Variants in TTN observed in about 807,000 individuals in gnomAD.
TTN encodes the protein titin, also known as connectin.
TTN carries 1,525 observed loss-of-function variants against 3,223.0 expected under a neutral mutation model. That is an observed-to-expected ratio of 0.47 (90% CI 0.45 to 0.49). TTN has a LOEUF of 0.49. Ranked by LOEUF, TTN falls within the 20% of genes least tolerant of loss-of-function variation. The pLI, the probability that TTN is intolerant of heterozygous loss-of-function variation, is 0.00. For synonymous variants in TTN, 14,094 were observed against 15,161.0 expected (o/e 0.93, Z 5.17); for missense variants, 40,786 against 43,424.0 (o/e 0.94, Z 5.40).
At chr2:178,538,141 T>G (rs1237637109) in intron 354 of TTN, 1 of 556,520 alleles carries the variant, frequency 1.8e-6, no homozygotes, top group Non-Finnish European at 3.1e-6. Context: ...TTTTTTCTCT[T>G]TATGATTGGA....
At chr2:178,707,223 T>C (rs2076015249) in intron 100 of TTN, among the ~76,000 whole-genome samples, 1 of 152,256 alleles carries the variant, frequency 6.6e-6, no homozygotes, top group South Asian at 2.1e-4. Context: ...CACAACAGCC[T>C]ACTTTCTATC....
rs754723277 is a variant in TTN, at chr2:178,579,310, T to C, written c.67720A>G (p.Ile22574Val). The C allele has an allele frequency of 1.2e-6, 2 of 1,610,956 alleles. No homozygotes were observed. The highest frequency in any genetic ancestry group is 1.1e-5 in the South Asian group (1 of 90,936). Reference protein sequence around the residue: ...ENSNFRLKIPIKGKPAPSVSW... With the variant: ...ENSNFRLKIPVKGKPAPSVSW... ...ACTGATGGAGCTGGCTTGCCTTTTATGGGGATCTTAAGCCGGAAGTTGCTG... is the reference window on the plus strand; with the variant it reads ...ACTGATGGAGCTGGCTTGCCTTTTACGGGGATCTTAAGCCGGAAGTTGCTG... The change falls in exon 320 of 363, where the codon ATA (isoleucine) becomes GTA (valine). Residue 22574 changes from isoleucine to valine, a missense_variant. Ile to Val is a conservative substitution (Grantham distance 29). Coordinates refer to ENST00000589042, the MANE Select transcript of TTN (RefSeq NM_001267550.2).
In TTN at chr2:178,665,780, G is replaced by C; in HGVS notation, c.35887C>G (p.Pro11963Ala). The change falls in exon 164 of 363, where the codon CCT (proline) becomes GCT (alanine). Residue 11963 changes from proline to alanine, a missense_variant. Coordinates refer to ENST00000589042, the MANE Select transcript of TTN (RefSeq NM_001267550.2). ...TCCTTTACAGGGACAATTTCTCGAG[G>C]TGATTCAGGCACTTTAAAGATATGA... ...KTPSPTVPES[P>A]REIVPVKETP... 1 of 1,294,438 alleles carries C rather than the reference G, an allele frequency of 7.7e-7. No individual in the cohort carries two copies. The highest frequency in any genetic ancestry group is 2.8e-5 in the East Asian group (1 of 35,416). The allele number at this position is 1,294,438 out of a possible 1,614,324, so 80.2% of individuals were successfully genotyped here. A position where few individuals can be genotyped will look rare whatever the true frequency, so the allele number is the denominator to read the frequency against.
In TTN at chr2:178,567,620, G is replaced by C; in HGVS notation, c.78512C>G (p.Ala26171Gly). The C allele has an allele frequency of 6.2e-7, 1 of 1,611,872 alleles. No individual in the cohort carries two copies. The highest frequency in any genetic ancestry group is 1.7e-4 in the Middle Eastern group (1 of 6,052). Reference protein sequence around the residue: ...FRVIAKNAAGAISKPSDSTGP... With the variant: ...FRVIAKNAAGGISKPSDSTGP... The stretch of plus-strand genomic sequence containing the variant: ...AGTACTGTCAGAGGGTTTACTTATT[G>C]CACCAGCTGCATTCTTTGCAATGAC... Residue 26171 changes from alanine to glycine, a missense_variant, in exon 326 of 363, where the codon GCA becomes GGA. Ala to Gly is a moderately conservative substitution (Grantham distance 60). Coordinates refer to ENST00000589042, the MANE Select transcript of TTN (RefSeq NM_001267550.2).
chr2:178,721,257 A>C, intron 78 of TTN, 55 bp from the exon 79 acceptor site: 1 of 1,347,678 alleles, frequency 7.4e-7, no homozygotes, highest in Admixed American at 3.2e-5. Flanking sequence ...ATGTTAAAAG[A>C]GCTTGTTTTT....
At chr2:178,669,080 G>T (rs1050294169) in intron 159 of TTN, among the ~76,000 whole-genome samples, 2 of 152,010 alleles carry the variant, frequency 1.3e-5, no homozygotes, top group African/African-American at 4.8e-5. Flanking sequence ...AAAATAAATT[G>T]CTTCAAAGCA....
chr2:178,546,151 T>A lies in TTN; in HGVS notation c.95120-35A>T. 4 of 1,587,670 alleles carry A rather than the reference T, an allele frequency of 2.5e-6. No homozygotes were observed. In the South Asian group the frequency reaches 4.7e-5, roughly 18 times the overall value. On this transcript the variant is annotated intron_variant, in intron 342 of 362. Coordinates refer to ENST00000589042, the MANE Select transcript of TTN (RefSeq NM_001267550.2). ...GTGTAATGACAAGCCATGATGAAGATCATTCTTTCTGCCCACACTGGAAAA... is the reference window on the plus strand; with the variant it reads ...GTGTAATGACAAGCCATGATGAAGAACATTCTTTCTGCCCACACTGGAAAA...
Position 178,587,893 on chromosome 2 carries a change from A to G in TTN, c.63508+6T>C. ...GAATGAATCACATGCTAAGGGAAGG[A>G]CTTACCTAGTATTTCTTTAGGTTTG... On this transcript the variant is annotated splice_donor_region_variant and intron_variant, in intron 305 of 362. Transcript: ENST00000589042. 6.3e-7 allele frequency: 1 copy of G among 1,584,582 alleles called. No homozygotes were observed. The highest frequency in any genetic ancestry group is 1.2e-5 in the South Asian group (1 of 86,386).
rs1325675000 is a variant in TTN at position 178,557,329 on chromosome 2, C to T, written c.87933G>A (p.Arg29311=). Residue 29311 remains arginine, a synonymous_variant, in exon 329 of 363, where the codon AGG becomes AGA. Coordinates refer to ENST00000589042, the MANE Select transcript of TTN (RefSeq NM_001267550.2). ...CTCCAGCAGCATTTTCTGCATACACCCTGAATTCATAAATAAGTCCAGCAC... is the reference window on the plus strand; with the variant it reads ...CTCCAGCAGCATTTTCTGCATACACTCTGAATTCATAAATAAGTCCAGCAC... ...TISAGLIYEF[R]VYAENAAGVG... 1.2e-6 allele frequency: 2 copies of T among 1,613,862 alleles called. No homozygotes were observed. Among genetic ancestry groups the T allele is most frequent in the Middle Eastern group, 1.7e-4 (1 of 6,060 alleles).
At chr2:178,677,365 A>C in intron 146 of TTN, 78 bp from the exon 147 acceptor site, 1 of 429,762 alleles carries the variant, frequency 2.3e-6, no homozygotes. Context: ...TATATATGAA[A>C]GAGACACGTG....
At chr2:178,696,585 G>A (rs1237708934) in intron 113 of TTN, among the ~76,000 whole-genome samples, 1 of 151,868 alleles carries the variant, frequency 6.6e-6, no homozygotes, top group African/African-American at 2.4e-5. Context: ...CAGTGGAATA[G>A]TTTTAATATT....
rs1235978208 is a variant in TTN, at chr2:178,774,405, C to T, written c.6859G>A (p.Glu2287Lys). The T allele has an allele frequency of 1.2e-6, 2 of 1,613,876 alleles. No homozygotes were observed. The highest frequency in any genetic ancestry group is 1.7e-6 in the Non-Finnish European group (2 of 1,179,922). The change falls in exon 30 of 363, where the codon GAG (glutamate) becomes AAG (lysine). Residue 2287 changes from glutamate (E) to lysine (K), a missense_variant. By Grantham distance (56) the Glu-to-Lys change is moderately conservative. Transcript: ENST00000589042. ...ATATTTTCTGGGGATACAATGCACT[C>T]TAATTCTCCTGAATATGATTCTGGA... ...EVPESYSGEL[E>K]CIVSPENIEG...
At chr2:178,674,257 G>A (rs2154266387) in intron 151 of TTN, 57 bp downstream of exon 151, 3 of 1,019,344 alleles carry the variant, frequency 2.9e-6, no homozygotes, top group South Asian at 2.8e-5. Flanking sequence ...TTTAGCTACT[G>A]AGAAAGATTT....
In TTN at chr2:178,664,894, T is replaced by C; in HGVS notation, c.36076A>G (p.Lys12026Glu). The part of the protein sequence containing the change: ...PEAPQEIIPA[K>E]TVPSKKREPP... ...TCTCTTTTTTTGGAAGGAACTGTCTTGGCAGGAATAATTTCTTGAGGAGCT... is the reference window on the plus strand; with the variant it reads ...TCTCTTTTTTTGGAAGGAACTGTCTCGGCAGGAATAATTTCTTGAGGAGCT... The change falls in exon 166 of 363, where the codon AAG (lysine) becomes GAG (glutamate). Residue 12026 changes from lysine to glutamate, a missense_variant. Coordinates refer to ENST00000589042, the MANE Select transcript of TTN (RefSeq NM_001267550.2). 2 of 1,610,940 alleles carry C rather than the reference T, an allele frequency of 1.2e-6. No homozygotes were observed. The highest frequency in any genetic ancestry group is 2.2e-5 in the South Asian group (2 of 90,684).
At chr2:178,644,689 A>C in intron 217 of TTN, 73 bp from the exon 218 acceptor site, 1 of 1,209,808 alleles carries the variant, frequency 8.3e-7, no homozygotes, top group Non-Finnish European at 1.1e-6. Context: ...TTCTACTCCA[A>C]GAATCAAAAC....
Position 178,530,662 on chromosome 2 carries a change from G to T in TTN, c.105953C>A (p.Thr35318Asn), listed in dbSNP as rs1391706140. The stretch of plus-strand genomic sequence containing the variant: ...CAGTTTCTTGCCATCTTTATACCAG[G>T]TGACCTCTTTTGCCCTTAATACACT... ...ESSVLRAKEV[T>N]WYKDGKKLKE... Residue 35318 changes from threonine (T) to asparagine (N), a missense_variant, in exon 358 of 363, where the codon ACC becomes AAC. By Grantham distance (65) the Thr-to-Asn change is moderately conservative. Transcript: ENST00000589042. The T allele has an allele frequency of 6.2e-7, 1 of 1,613,788 alleles. No homozygotes were observed. Among genetic ancestry groups the T allele is most frequent in the Non-Finnish European group, 8.5e-7 (1 of 1,179,882 alleles).
rs1175595113 is a variant in TTN at position 178,530,708 on chromosome 2, GT to G, written c.105906del (p.Lys35302AsnfsTer2). 1 of 1,613,826 alleles carries G rather than the reference GT, an allele frequency of 6.2e-7. No individual in the cohort carries two copies. Among genetic ancestry groups the G allele is most frequent in the Non-Finnish European group, 8.5e-7 (1 of 1,179,878 alleles). On this transcript the variant is annotated frameshift_variant, in exon 358 of 363. Transcript: ENST00000589042. LOFTEE classifies it high-confidence loss of function. ...LKAEASKEIA[K>X]LTCVVESSVL... ...ACACTGCTTTCAACCACACAGGTCA[GT>G]TTTGCAATCTCTTTAGAAGCTTCTG... is the stretch of plus-strand genomic sequence containing the variant.
At position 178,678,741 on chromosome 2, in the gene TTN, A is replaced by G; in HGVS notation, c.33826+6T>C. 6.2e-7 allele frequency: 1 copy of G among 1,600,414 alleles called. No individual in the cohort carries two copies. Among genetic ancestry groups the G allele is most frequent in the Non-Finnish European group, 8.5e-7 (1 of 1,175,486 alleles). ...AAAAATATTGCAACATTGCAAGTTC[A>G]TGTACCTTTGGCAGGTGGAGCTTCC... On this transcript the variant is annotated splice_donor_region_variant and intron_variant, in intron 143 of 362. Coordinates refer to ENST00000589042, the MANE Select transcript of TTN (RefSeq NM_001267550.2).
At position 178,741,776 on chromosome 2, in the gene TTN, G is replaced by A; in HGVS notation, c.11457C>T (p.Gly3819=). 6.2e-7 allele frequency: 1 copy of A among 1,613,490 alleles called. No individual in the cohort carries two copies. Among genetic ancestry groups the A allele is most frequent in the South Asian group, 1.1e-5 (1 of 91,058 alleles). ...TKFDSEKEGT[G]PIFIKEVSNA... ...TTGACACTTCTTTGATGAAAATTGG[G>A]CCAGTGCCTTCCTTTTCGGAATCAA... is the stretch of plus-strand genomic sequence containing the variant. The change falls in exon 48 of 363, where the codon GGC becomes GGT. Residue 3819 remains glycine, a synonymous_variant. Coordinates refer to ENST00000589042, the MANE Select transcript of TTN (RefSeq NM_001267550.2).
Sources: allele counts gnomAD v4.1 joint callset (sites outside exome capture counted in the v4.1 genomes callset), GRCh38; gene constraint gnomAD v4.1.1; transcripts MANE v1.5; gene names NCBI Gene and HGNC (gene_info 2026-07-23, HGNC 2026-07-21).